The following ADAMTS6 variants were observed in gnomAD, a reference collection of about 807,000 sequenced individuals.
ADAMTS6 encodes the protein A disintegrin and metalloproteinase with thrombospondin motifs 6.
A neutral mutation model predicts 144.3 loss-of-function variants in ADAMTS6; 23 were observed. The ratio of observed to expected loss-of-function variants is 0.16; its 90% CI spans 0.11 to 0.23. ADAMTS6 has a LOEUF of 0.23. Ranked by LOEUF, ADAMTS6 falls within the 10% of genes least tolerant of loss-of-function variation. The pLI, the probability that ADAMTS6 is intolerant of heterozygous loss-of-function variation, is 1.00. For synonymous variants in ADAMTS6, 444 were observed against 457.5 expected, an observed-to-expected ratio of 0.97 and a Z score of 0.38; for missense variants, 999 against 1,379.6, an observed-to-expected ratio of 0.72 and a Z score of 4.37.
At chr5:65,223,761 G>A (rs1392011389) in intron 18 of ADAMTS6, among the ~76,000 whole-genome samples, 1 of 151,468 alleles carries the variant, frequency 6.6e-6, no homozygotes, top group Non-Finnish European at 1.5e-5. Flanking sequence ...GAATAATGCT[G>A]CAATGATCAT....
At chr5:65,196,926 T>G (rs1755423028) in intron 21 of ADAMTS6, 96 bp downstream of exon 21, 7 of 1,425,052 alleles carry the variant, frequency 4.9e-6, no homozygotes, top group Non-Finnish European at 6.5e-6. Flanking sequence ...CAGCCTAATT[T>G]ATTCTCATCA....
chr5:65,322,388 G>A (rs924256406), intron 9 of ADAMTS6, among the ~76,000 whole-genome samples: 2 of 152,090 alleles, frequency 1.3e-5, no homozygotes, highest in Admixed American at 6.6e-5. Context: ...TTTTAAAACT[G>A]TTTTTTCTAG....
chr5:65,173,139 T>C, intron 22 of ADAMTS6, 131 bp from the exon 23 acceptor site: 2 of 855,496 alleles, frequency 2.3e-6, no homozygotes, highest in South Asian at 3.9e-5. Flanking sequence ...AGGCAAAGTC[T>C]CTCAGATACA....
chr5:65,387,775 TG>T lies in ADAMTS6; in HGVS notation c.1074-53691del, dbSNP rs1446926895. On this transcript the variant is annotated intron_variant, in intron 7 of 24. Coordinates refer to ENST00000381055, the MANE Select transcript of ADAMTS6 (RefSeq NM_197941.4). ...CTGGCCAAAAAAAAGAAAAAGCAAG[TG>T]GGGGGAGATTACTATATACTACCAC... Among the ~76,000 whole-genome samples the T allele has an allele frequency of 3.3e-5, 5 of 152,030 alleles. No individual in the cohort carries two copies. The East Asian group carries it at 7.7e-4, about 23-fold the overall frequency.
intron 14 of ADAMTS6, among the ~76,000 whole-genome samples, chr5:65,260,289 T>C (rs1761063056): frequency 6.6e-6 from 1 of 152,062 alleles, no homozygotes; most frequent in Non-Finnish European, 1.5e-5. Flanking sequence ...TAAGATTAAT[T>C]CTGTGGAGTC....
chr5:65,210,802 A>C, intron 20 of ADAMTS6: 1 of 566,690 alleles, frequency 1.8e-6, no homozygotes. Flanking sequence ...TCAACACATA[A>C]AGAACAGTGT....
chr5:65,327,055 T>C (rs1025379467), intron 9 of ADAMTS6, among the ~76,000 whole-genome samples: 2 of 152,156 alleles, frequency 1.3e-5, no homozygotes, highest in Non-Finnish European at 2.9e-5. Context: ...TCCCTCATAA[T>C]TGGCTTGGTG....
chr5:65,332,776 T>C (rs1746889099), intron 8 of ADAMTS6, among the ~76,000 whole-genome samples: 1 of 152,106 alleles, frequency 6.6e-6, no homozygotes. Flanking sequence ...TCTGTTGGAT[T>C]ATGTTGGTCT....
intron 7 of ADAMTS6, among the ~76,000 whole-genome samples, chr5:65,432,182 A>G (rs998086841): frequency 3.3e-5 from 5 of 152,084 alleles, no homozygotes; most frequent in Admixed American, 3.3e-4. Context: ...TAGCTGATTT[A>G]GTAGATATCA....
rs1752112851 is a variant in ADAMTS6, at chr5:65,150,929, G to A, written c.*907C>T. 1 of 152,762 alleles carries A rather than the reference G, an allele frequency of 6.5e-6. No homozygotes were observed. Among genetic ancestry groups the A allele is most frequent in the Admixed American group, 6.5e-5 (1 of 15,290 alleles). 9.5% of individuals were successfully genotyped at this position (152,762 alleles called of 1,614,324 possible). ...GGAGGATGTAAACACAAGTGAGTTG[G>A]AGGGACTCAAATAAGAACTAAGGCA... On this transcript the variant is annotated 3_prime_UTR_variant, in exon 25 of 25. Coordinates refer to ENST00000381055, the MANE Select transcript of ADAMTS6 (RefSeq NM_197941.4).
intron 8 of ADAMTS6, among the ~76,000 whole-genome samples, chr5:65,332,515 T>C (rs943449172): frequency 2.4e-4 from 36 of 151,818 alleles, no homozygotes; most frequent in South Asian, 2.1e-4. Context: ...ACAGTAAATA[T>C]GGGGGGTAAG....
chr5:65,471,703 A>G (rs1410571488), intron 2 of ADAMTS6, among the ~76,000 whole-genome samples: 1 of 151,978 alleles, frequency 6.6e-6, no homozygotes, highest in African/African-American at 2.4e-5. Context: ...GGTTGCAGTG[A>G]GCCGAGATTG....
At chr5:65,428,274 CTTGTT>C in intron 7 of ADAMTS6, among the ~76,000 whole-genome samples, 1 of 150,910 alleles carries the variant, frequency 6.6e-6, no homozygotes, top group South Asian at 2.1e-4. Context: ...TTACATTTTC[CTTGTT>C]TTAAGAAATC....
At chr5:65,341,142 T>G (rs1747780466) in intron 7 of ADAMTS6, among the ~76,000 whole-genome samples, 1 of 151,928 alleles carries the variant, frequency 6.6e-6, no homozygotes, top group Non-Finnish European at 1.5e-5. Flanking sequence ...AATAAAATTT[T>G]AAAATTTCTT....
chr5:65,291,308 A>T, intron 11 of ADAMTS6, 21 bp downstream of exon 11: 3 of 1,599,110 alleles, frequency 1.9e-6, no homozygotes, highest in Non-Finnish European at 2.6e-6. Flanking sequence ...ATGACGAAAC[A>T]TAAGGATGAA....
rs1388827004 is a variant in ADAMTS6 at position 65,383,587 on chromosome 5, G to A, written c.1074-49502C>T. On this transcript the variant is annotated intron_variant, in intron 7 of 24. Transcript: ENST00000381055. ...AGGCTCCAGGCAATCCTACTCTCAA[G>A]GCTTTGCTTGGTGAAGCCCACACTG... 2.0e-5 allele frequency among the ~76,000 whole-genome samples: 3 copies of A among 152,142 alleles called. No individual in the cohort carries two copies. The East Asian group carries it at 5.8e-4, about 29-fold the overall frequency.
At chr5:65,156,615 T>C (rs549996231) in intron 24 of ADAMTS6, among the ~76,000 whole-genome samples, 1 of 152,332 alleles carries the variant, frequency 6.6e-6, no homozygotes, top group Non-Finnish European at 1.5e-5. Context: ...AATTACTTAG[T>C]TTCAGGTTTT....
intron 15 of ADAMTS6, among the ~76,000 whole-genome samples, chr5:65,239,262 A>G: frequency 9.7e-6 from 1 of 103,346 alleles, no homozygotes; most frequent in East Asian, 2.4e-4. Context: ...AACTTAATGT[A>G]TAAAAAAAAA....
intron 10 of ADAMTS6, among the ~76,000 whole-genome samples, chr5:65,294,084 G>A (rs868297163): frequency 5.9e-5 from 9 of 152,176 alleles, no homozygotes; most frequent in Middle Eastern, 3.2e-3. Flanking sequence ...TATCTGCAAG[G>A]TGGATTTAAA....
Sources: allele counts gnomAD v4.1 joint callset (sites outside exome capture counted in the v4.1 genomes callset), GRCh38; gene constraint gnomAD v4.1.1; transcripts MANE v1.5; gene names NCBI Gene and HGNC (gene_info 2026-07-23, HGNC 2026-07-21).